GLIS3: variants seen among roughly 807,000 people sequenced by gnomAD.
GLIS3 encodes zinc finger protein GLIS3.
In GLIS3, 53 loss-of-function variants were observed where a neutral mutation model predicts 78.6. The ratio of observed to expected loss-of-function variants is 0.67; its 90% CI spans 0.54 to 0.85. The LOEUF (loss-of-function observed/expected upper bound fraction) is 0.85, where lower values mean the gene tolerates loss of function less well. Among genes scored for constraint, GLIS3 ranks in the 40% least tolerant of loss-of-function variants. The probability of loss-of-function intolerance (pLI) is 0.00; values close to 1 mark genes in which losing one functional copy is unlikely to be tolerated. For synonymous variants in GLIS3, 684 were observed against 509.9 expected, an observed-to-expected ratio of 1.34 and a Z score of -4.60; for missense variants, 1,703 against 1,231.1, an observed-to-expected ratio of 1.38 and a Z score of -5.74.
At chr9:3,983,753 G>A (rs538724394) in intron 4 of GLIS3, among the ~76,000 whole-genome samples, 15 of 152,246 alleles carry the variant, frequency 9.9e-5, no homozygotes, top group South Asian at 4.1e-4. Flanking sequence ...GGTATCTGGC[G>A]AAAGAAATTT....
chr9:4,067,452 GGAGA>G (rs1366251553), intron 4 of GLIS3, among the ~76,000 whole-genome samples: 2 of 152,020 alleles, frequency 1.3e-5, no homozygotes, highest in Non-Finnish European at 2.9e-5. Flanking sequence ...GAGTGAACAA[GGAGA>G]GAAAGAGCAC....
intron 4 of GLIS3, among the ~76,000 whole-genome samples, chr9:4,075,294 C>A (rs567743378): frequency 6.6e-6 from 1 of 151,724 alleles, no homozygotes; most frequent in Non-Finnish European, 1.5e-5. Context: ...TCAGGCCGGG[C>A]GCGGTGGCTG....
chr9:3,855,601 C>A, intron 9 of GLIS3: 1 of 272,068 alleles, frequency 3.7e-6, no homozygotes, highest in Non-Finnish European at 7.2e-6. Flanking sequence ...GTCATTCCAC[C>A]TGCGCCTTGA....
At chr9:3,929,447 G>C (rs1223526220) in intron 6 of GLIS3, among the ~76,000 whole-genome samples, 1 of 152,000 alleles carries the variant, frequency 6.6e-6, no homozygotes, top group Non-Finnish European at 1.5e-5. Flanking sequence ...AAAGGGCCAC[G>C]TGCCCACGGT....
At chr9:4,446,675 AAT>A in the GLIS3 span, among the ~76,000 whole-genome samples, 2 of 123,248 alleles carry the variant, frequency 1.6e-5, no homozygotes, top group African/African-American at 2.7e-5. Flanking sequence ...ATGCCCGGCT[AAT>A]TTTTTTTTTT....
At chr9:4,033,202 G>C (rs760977637) in intron 4 of GLIS3, among the ~76,000 whole-genome samples, 4 of 152,064 alleles carry the variant, frequency 2.6e-5, no homozygotes, top group Non-Finnish European at 4.4e-5. Flanking sequence ...GAATGGCACA[G>C]TGCTGGAAGA....
the GLIS3 span, among the ~76,000 whole-genome samples, chr9:4,409,541 C>G: frequency 1.3e-5 from 2 of 152,080 alleles, no homozygotes; most frequent in Non-Finnish European, 2.9e-5. Context: ...AACACGCTTA[C>G]TAGTATAATG....
At chr9:4,040,852 C>T (rs1030822353) in intron 4 of GLIS3, among the ~76,000 whole-genome samples, 1 of 152,190 alleles carries the variant, frequency 6.6e-6, no homozygotes, top group Non-Finnish European at 1.5e-5. Flanking sequence ...AAGTGAAGGT[C>T]ATCAACAGTG....
Position 4,118,124 on chromosome 9 carries a change from G to T in GLIS3, c.1354C>A (p.Leu452Met). 6.4e-7 allele frequency: 1 copy of T among 1,552,328 alleles called. No individual in the cohort carries two copies. Among genetic ancestry groups the T allele is most frequent in the Non-Finnish European group, 8.7e-7 (1 of 1,148,508 alleles). The change falls in exon 4 of 11, where the codon CTG becomes ATG. Residue 452 changes from leucine to methionine, a missense_variant. Physicochemically the swap from Leu to Met is conservative, Grantham distance 15 (BLOSUM62 2). Coordinates refer to ENST00000381971, the MANE Select transcript of GLIS3 (RefSeq NM_001042413.2). The surrounding 1 kb of genome is among the most constrained non-coding windows in gnomAD (Gnocchi z 4.7). ...DLPPAPPLPPLPPPPGPPPPY... is the reference protein window; with the variant it reads ...DLPPAPPLPPMPPPPGPPPPY... ...GGTGGGGGGCCTGGGGGCGGCGGCA[G>T]AGGAGGGAGCGGAGGCGCGGGGGGT...
At chr9:4,405,661 G>A in the GLIS3 span, among the ~76,000 whole-genome samples, 5 of 151,710 alleles carry the variant, frequency 3.3e-5, no homozygotes, top group Non-Finnish European at 7.4e-5. Context: ...AGAACTAATA[G>A]CAACCCTACT....
At chr9:4,233,679 T>G (rs1230624528) in intron 2 of GLIS3, among the ~76,000 whole-genome samples, 1 of 152,206 alleles carries the variant, frequency 6.6e-6, no homozygotes, top group Admixed American at 6.5e-5. Context: ...CAACTTAAAG[T>G]TACCAGCTGC....
At chr9:4,283,627 G>C (rs944608255) in intron 2 of GLIS3, among the ~76,000 whole-genome samples, 3 of 152,146 alleles carry the variant, frequency 2.0e-5, no homozygotes, top group African/African-American at 7.2e-5. Flanking sequence ...TTGAGGGAAA[G>C]GACTATGCTT....
intron 2 of GLIS3, among the ~76,000 whole-genome samples, chr9:4,267,944 CCTGT>C (rs1236599133): frequency 1.3e-3 from 191 of 149,998 alleles, no homozygotes; most frequent in Admixed American, 3.4e-3. Flanking sequence ...TATAAAAATA[CCTGT>C]GTGTGTGTGT....
At chr9:3,904,557 G>A (rs984768246) in intron 6 of GLIS3, among the ~76,000 whole-genome samples, 2 of 152,120 alleles carry the variant, frequency 1.3e-5, no homozygotes, top group Non-Finnish European at 2.9e-5. Context: ...CTATTACAAT[G>A]TGCTTTAAAA....
At chr9:4,370,061 G>A in the GLIS3 span, among the ~76,000 whole-genome samples, 3 of 151,598 alleles carry the variant, frequency 2.0e-5, no homozygotes, top group Non-Finnish European at 4.4e-5. Flanking sequence ...GCCTGGTGGC[G>A]CATGCCTGTT....
chr9:3,912,186 A>T (rs568732), intron 6 of GLIS3, among the ~76,000 whole-genome samples: 151,371 of 152,300 alleles, frequency 0.99, 75,228 homozygotes, highest in Middle Eastern at 1. Flanking sequence ...TTGTTGCATA[A>T]AATTAATTTT....
At chr9:4,328,172 G>C (rs1347359783) in intron 2 of GLIS3, among the ~76,000 whole-genome samples, 1 of 152,292 alleles carries the variant, frequency 6.6e-6, no homozygotes, top group East Asian at 1.9e-4. Flanking sequence ...TGTCCTGTTA[G>C]AATCTGCCCC....
chr9:4,326,790 C>T (rs1048625941), intron 2 of GLIS3, among the ~76,000 whole-genome samples: 13 of 151,902 alleles, frequency 8.6e-5, no homozygotes, highest in African/African-American at 3.1e-4. Context: ...GCTGGAAGTG[C>T]CTGCGAAGGA....
chr9:4,419,174 A>T, the GLIS3 span, among the ~76,000 whole-genome samples: 1,654 of 152,212 alleles, frequency 0.011, 23 homozygotes, highest in African/African-American at 0.035. Context: ...TTCTCTCCCA[A>T]ATGTTTAATC....
Sources: gnomAD v4.1 joint callset for allele counts (sites outside exome capture counted in the v4.1 genomes callset) on GRCh38, gnomAD v4.1.1 for gene constraint, Gnocchi (gnomAD v3.1) non-coding constraint, MANE v1.5 for transcripts, NCBI Gene and HGNC (gene_info 2026-07-23, HGNC 2026-07-21) for gene names.